Variants in PKNOX2 observed in about 807,000 individuals in gnomAD.
PKNOX2 encodes the protein homeobox protein PKNOX2.
PKNOX2 carries 14 observed loss-of-function variants against 53.1 expected under a neutral mutation model. That is an observed-to-expected ratio of 0.26 (90% CI 0.17 to 0.41). The LOEUF (loss-of-function observed/expected upper bound fraction) is 0.41, where lower values mean the gene tolerates loss of function less well. Ranked by LOEUF, PKNOX2 falls within the 10% of genes least tolerant of loss-of-function variation. PKNOX2 has a pLI of 1.00. For synonymous variants in PKNOX2, 257 were observed against 242.8 expected, an observed-to-expected ratio of 1.06 and a Z score of -0.54; for missense variants, 496 against 602.8, an observed-to-expected ratio of 0.82 and a Z score of 1.85.
In PKNOX2 at chr11:125,429,960, C is replaced by T. The variant is rs750516548; in HGVS notation, c.1014-3C>T. On this transcript the variant is annotated splice_polypyrimidine_tract_variant and splice_region_variant and intron_variant, in intron 11 of 12. Transcript: ENST00000298282. ...ACCAGGTCTCCACTTTACCTCTGGGCAGGTTCATCAATGCCCGGAGGCGCA... is the reference window on the plus strand; with the variant it reads ...ACCAGGTCTCCACTTTACCTCTGGGTAGGTTCATCAATGCCCGGAGGCGCA... 5.6e-6 allele frequency: 9 copies of T among 1,613,436 alleles called. No homozygotes were observed. The highest frequency in any genetic ancestry group is 4.4e-5 in the South Asian group (4 of 90,982).
At chr11:125,356,891 G>A (rs1951648604) in intron 4 of PKNOX2, among the ~76,000 whole-genome samples, 1 of 152,272 alleles carries the variant, frequency 6.6e-6, no homozygotes, top group Non-Finnish European at 1.5e-5. Context: ...GTGACAGGCA[G>A]AAGTGGGTTC....
chr11:125,242,426 C>T (rs563950523), intron 2 of PKNOX2, among the ~76,000 whole-genome samples: 24 of 152,270 alleles, frequency 1.6e-4, no homozygotes, highest in African/African-American at 5.5e-4. Context: ...TCTCTCCCCA[C>T]GATGCCAGGG....
intron 1 of PKNOX2, among the ~76,000 whole-genome samples, chr11:125,224,205 C>A (rs1941477194): frequency 6.6e-6 from 1 of 152,280 alleles, no homozygotes; most frequent in South Asian, 2.1e-4. Context: ...CCTTCCCTGG[C>A]CTCTCCGTGC....
intron 10 of PKNOX2, among the ~76,000 whole-genome samples, chr11:125,425,141 A>G (rs1295538909): frequency 6.6e-6 from 1 of 152,154 alleles, no homozygotes; most frequent in Non-Finnish European, 1.5e-5. Flanking sequence ...GCACTATCTC[A>G]TTAAATCATC....
chr11:125,234,834 G>T (rs1268296599), intron 1 of PKNOX2, among the ~76,000 whole-genome samples: 1 of 152,084 alleles, frequency 6.6e-6, no homozygotes, highest in Admixed American at 6.5e-5. Context: ...TGAACCTCTC[G>T]CTCTGCCCTG....
chr11:125,290,821 G>T (rs1947258205), intron 2 of PKNOX2, among the ~76,000 whole-genome samples: 1 of 152,166 alleles, frequency 6.6e-6, no homozygotes, highest in African/African-American at 2.4e-5. Context: ...GAGAGTGGAT[G>T]CCTGAGGTTC....
At chr11:125,329,122 G>A (rs1398204753) in intron 2 of PKNOX2, among the ~76,000 whole-genome samples, 1 of 152,132 alleles carries the variant, frequency 6.6e-6, no homozygotes, top group Non-Finnish European at 1.5e-5. Context: ...ATTTGTCTGA[G>A]TAATTATAGT....
chr11:125,301,911 C>T (rs899023791), intron 2 of PKNOX2, among the ~76,000 whole-genome samples: 3 of 152,218 alleles, frequency 2.0e-5, no homozygotes, highest in Non-Finnish European at 4.4e-5. Flanking sequence ...GTCATTTTGG[C>T]CAACATTTAC....
At chr11:125,337,502 T>C (rs1461421598) in intron 3 of PKNOX2, among the ~76,000 whole-genome samples, 1 of 152,220 alleles carries the variant, frequency 6.6e-6, no homozygotes, top group Non-Finnish European at 1.5e-5. Flanking sequence ...CTTGCTGACA[T>C]GGCTGCACCA....
rs904079629 is a variant in PKNOX2, at chr11:125,411,672, C to A, written c.817-74C>A. On this transcript the variant is annotated intron_variant, in intron 9 of 12. Coordinates refer to ENST00000298282, the MANE Select transcript of PKNOX2 (RefSeq NM_001382323.2). ...AGGGGCTGGCAGCCAAGCCTGCCGT[C>A]GCTATGGCAACAGGTCCCCAGCCGC... is the stretch of plus-strand genomic sequence containing the variant. The A allele has an allele frequency of 3.7e-6, 6 of 1,609,610 alleles. 1 individual carries two copies. The highest frequency in any genetic ancestry group is 5.1e-6 in the Non-Finnish European group (6 of 1,177,180).
chr11:125,256,298 C>G, intron 2 of PKNOX2, among the ~76,000 whole-genome samples: 1 of 152,124 alleles, frequency 6.6e-6, no homozygotes, highest in South Asian at 2.1e-4. Context: ...GGACATCAGA[C>G]AAGCAGAGAT....
At chr11:125,425,752 G>C (rs1353601872) in intron 10 of PKNOX2, among the ~76,000 whole-genome samples, 2 of 152,214 alleles carry the variant, frequency 1.3e-5, no homozygotes, top group Non-Finnish European at 2.9e-5. Context: ...GGACTATTTT[G>C]ACTCTGTCCT....
chr11:125,175,194 A>G (rs754788161), intron 1 of PKNOX2, among the ~76,000 whole-genome samples: 26 of 145,158 alleles, frequency 1.8e-4, no homozygotes, highest in Non-Finnish European at 2.6e-4. Flanking sequence ...AGTCATTTCC[A>G]CTGGGTTTGA....
intron 3 of PKNOX2, among the ~76,000 whole-genome samples, chr11:125,350,581 A>T (rs187876366): frequency 4.6e-4 from 70 of 152,320 alleles, no homozygotes; most frequent in Non-Finnish European, 9.3e-4. Context: ...TTAATAGGAT[A>T]TGCAGGCACA....
intron 2 of PKNOX2, among the ~76,000 whole-genome samples, chr11:125,320,352 C>T (rs1468906979): frequency 6.6e-6 from 1 of 152,076 alleles, no homozygotes; most frequent in Non-Finnish European, 1.5e-5. Context: ...GTACATGGTA[C>T]CCTGTAGAAC....
chr11:125,239,585 G>C (rs1356922763), intron 2 of PKNOX2: 1 of 152,200 alleles, frequency 6.6e-6, no homozygotes, highest in Non-Finnish European at 1.5e-5. Flanking sequence ...AAAGGTGGAG[G>C]TTTCTTCTTC....
intron 6 of PKNOX2, among the ~76,000 whole-genome samples, chr11:125,390,533 T>C (rs748321241): frequency 6.6e-6 from 1 of 152,260 alleles, no homozygotes; most frequent in Non-Finnish European, 1.5e-5. Flanking sequence ...ATTATGTAAA[T>C]TCTTCAGTGT....
chr11:125,382,400 G>A (rs1048237432), intron 5 of PKNOX2, among the ~76,000 whole-genome samples: 22 of 152,236 alleles, frequency 1.4e-4, no homozygotes, highest in Middle Eastern at 3.2e-3. Context: ...TGCGGTGACC[G>A]CAGCTGCCAC....
At chr11:125,180,031 C>G (rs906505122) in intron 1 of PKNOX2, among the ~76,000 whole-genome samples, 1 of 152,182 alleles carries the variant, frequency 6.6e-6, no homozygotes, top group African/African-American at 2.4e-5. Context: ...TACACGCACA[C>G]GGGCCTTCTA....
Sources: gnomAD v4.1 joint callset for allele counts (sites outside exome capture counted in the v4.1 genomes callset) on GRCh38, gnomAD v4.1.1 for gene constraint, MANE v1.5 for transcripts, NCBI Gene and HGNC (gene_info 2026-07-23, HGNC 2026-07-21) for gene names.